The following GNA12 variants were observed in gnomAD, a reference collection of about 807,000 sequenced individuals.
GNA12 encodes guanine nucleotide-binding protein subunit alpha-12.
Under a neutral mutation model 26.0 loss-of-function variants are expected in GNA12, and 9 were observed. That is an observed-to-expected ratio of 0.35 (90% CI 0.21 to 0.60). The LOEUF (loss-of-function observed/expected upper bound fraction) is 0.60, where lower values mean the gene tolerates loss of function less well. Ranked by LOEUF, GNA12 falls within the 20% of genes least tolerant of loss-of-function variation. The pLI is 0.78. For synonymous variants in GNA12, 264 were observed against 219.6 expected (o/e 1.20, Z -1.79); for missense variants, 405 against 525.8 (o/e 0.77, Z 2.25).
chr7:2,843,582 G>C (rs1055872858), intron 1 of GNA12, among the ~76,000 whole-genome samples: 1 of 152,046 alleles, frequency 6.6e-6, no homozygotes, highest in African/African-American at 2.4e-5. Context: ...GGGAGGTCGA[G>C]GCTGCAGTGA....
chr7:2,734,891 CG>C (rs1790083513), intron 2 of GNA12, among the ~76,000 whole-genome samples: 1 of 152,266 alleles, frequency 6.6e-6, no homozygotes, highest in Non-Finnish European at 1.5e-5. Context: ...GGGAAGGCAT[CG>C]GGAGTGCCAG....
intron 2 of GNA12, among the ~76,000 whole-genome samples, chr7:2,737,684 G>A (rs1790277902): frequency 6.6e-6 from 1 of 152,172 alleles, no homozygotes; most frequent in African/African-American, 2.4e-5. Context: ...TTAATGGTGA[G>A]CTAGAGGATT....
At chr7:2,812,057 G>A (rs1303089707) in intron 1 of GNA12, among the ~76,000 whole-genome samples, 1 of 152,190 alleles carries the variant, frequency 6.6e-6, no homozygotes, top group Admixed American at 6.5e-5. Flanking sequence ...CGTTTCACGC[G>A]ACTCCTCTCC....
intron 2 of GNA12, among the ~76,000 whole-genome samples, chr7:2,754,295 A>G (rs554647766): frequency 5.3e-4 from 80 of 152,136 alleles, no homozygotes; most frequent in Admixed American, 1.2e-3. Flanking sequence ...TGGTGAAATC[A>G]CTTCATATGT....
chr7:2,783,788 G>C (rs1156598452), intron 2 of GNA12, among the ~76,000 whole-genome samples: 3 of 151,884 alleles, frequency 2.0e-5, no homozygotes, highest in African/African-American at 7.3e-5. Flanking sequence ...GGATTCAAGC[G>C]ATTCTCTTGC....
chr7:2,806,457 C>CAAAAAAAAAAAAAAAAAAAAAA (rs34036056), intron 1 of GNA12, among the ~76,000 whole-genome samples: 9 of 80,710 alleles, frequency 1.1e-4, no homozygotes, highest in Non-Finnish European at 1.7e-4. Context: ...GACTCTGTCT[C>CAAAAAAAAAAAAAAAAAAAAAA]AAAAAAAAAA....
intron 1 of GNA12, among the ~76,000 whole-genome samples, chr7:2,807,863 A>G (rs2527689): frequency 0.58 from 87,771 of 151,454 alleles, 25,684 homozygotes; most frequent in Non-Finnish European, 0.63. Context: ...TAAGGGGCCA[A>G]CCTTAGGCAC....
At position 2,829,463 on chromosome 7, in the gene GNA12, T is replaced by C. The variant is rs138998153; in HGVS notation, c.309+14390A>G. ...ATCCCCTTGCATCGTTGTTCATTAC[T>C]ATTCAGTTCCTTCCTGTCTCCGATG... is the stretch of plus-strand genomic sequence containing the variant. On this transcript the variant is annotated intron_variant, in intron 1 of 3. Coordinates refer to ENST00000275364, the MANE Select transcript of GNA12 (RefSeq NM_007353.3). Among the ~76,000 whole-genome samples the C allele has an allele frequency of 8.5e-5, 13 of 152,346 alleles. No homozygotes were observed. In the East Asian group the frequency reaches 1.9e-3, roughly 23 times the overall value.
Position 2,799,535 on chromosome 7 carries a change from C to T in GNA12, c.310-4392G>A, listed in dbSNP as rs555660179. Among the ~76,000 whole-genome samples the T allele has an allele frequency of 2.0e-5, 3 of 152,200 alleles. No homozygotes were observed. The South Asian group carries it at 6.2e-4, about 32-fold the overall frequency. ...AGTTTGAGGTTACAGTGAGCTATGA[C>T]AGTGCCACTGCACTCCAGCCTGGGT... On this transcript the variant is annotated intron_variant, in intron 1 of 3. Coordinates refer to ENST00000275364, the MANE Select transcript of GNA12 (RefSeq NM_007353.3).
At chr7:2,786,557 C>G (rs1054069794) in intron 2 of GNA12, among the ~76,000 whole-genome samples, 2 of 151,710 alleles carry the variant, frequency 1.3e-5, no homozygotes, top group African/African-American at 2.4e-5. Flanking sequence ...TATTATATCT[C>G]TGTCTGTCTG....
chr7:2,825,146 C>G (rs970339037), intron 1 of GNA12, among the ~76,000 whole-genome samples: 2 of 152,214 alleles, frequency 1.3e-5, no homozygotes, highest in African/African-American at 4.8e-5. Flanking sequence ...CAACAGGAAA[C>G]AAGCAGGACA....
chr7:2,775,043 T>C (rs1003210495), intron 2 of GNA12, among the ~76,000 whole-genome samples: 4 of 152,352 alleles, frequency 2.6e-5, no homozygotes, highest in Admixed American at 1.3e-4. Context: ...CTTTTCACTA[T>C]GTGATGAGTT....
At chr7:2,781,412 C>CTGTGTGTG (rs58348546) in intron 2 of GNA12, among the ~76,000 whole-genome samples, 12,667 of 143,560 alleles carry the variant, frequency 0.088, 663 homozygotes, top group South Asian at 0.17. Context: ...AAGTAAGTGT[C>CTGTGTGTG]TGTGTGTGTG....
chr7:2,794,873 T>G (rs775323250), intron 2 of GNA12, 55 bp downstream of exon 2: 2 of 1,238,808 alleles, frequency 1.6e-6, no homozygotes, highest in Middle Eastern at 2.4e-4. Context: ...CGGTCCAAAA[T>G]AGTCATGTAA....
chr7:2,740,457 C>T (rs965037746), intron 2 of GNA12, among the ~76,000 whole-genome samples: 1 of 152,192 alleles, frequency 6.6e-6, no homozygotes, highest in Admixed American at 6.5e-5. Context: ...AGACAGCCCT[C>T]CCTCACCAGA....
intron 2 of GNA12, 61 bp downstream of exon 2, chr7:2,794,867 C>T: frequency 8.4e-7 from 1 of 1,193,656 alleles, no homozygotes; most frequent in Non-Finnish European, 1.2e-6. Context: ...AACTAACGGT[C>T]CAAAATAGTC....
chr7:2,843,127 G>A (rs959021897), intron 1 of GNA12, among the ~76,000 whole-genome samples: 10 of 151,592 alleles, frequency 6.6e-5, no homozygotes, highest in African/African-American at 2.4e-4. Context: ...AAAGTAAAAA[G>A]AGACTCATGG....
In GNA12 at chr7:2,817,798, A is replaced by G. The variant is rs138396355; in HGVS notation, c.310-22655T>C. On this transcript the variant is annotated intron_variant, in intron 1 of 3. Transcript: ENST00000275364. The stretch of plus-strand genomic sequence containing the variant: ...AGAACGGAACATAGAAGAAACATCT[A>G]AAGTTATGACAAATGTTGTCATCTA... 4.9e-3 allele frequency among the ~76,000 whole-genome samples: 743 copies of G among 152,360 alleles called. 7 individuals are homozygous for G. Among genetic ancestry groups the G allele is most frequent in the African/African-American group, 0.017 (689 of 41,582 alleles).
chr7:2,764,191 G>T (rs145692034), intron 2 of GNA12, among the ~76,000 whole-genome samples: 1,727 of 151,842 alleles, frequency 0.011, 37 homozygotes, highest in African/African-American at 0.039. Context: ...TCCTGCCTCA[G>T]CCTCCTGAGT....
Sources: allele counts gnomAD v4.1 joint callset (sites outside exome capture counted in the v4.1 genomes callset), GRCh38; gene constraint gnomAD v4.1.1; transcripts MANE v1.5; gene names NCBI Gene and HGNC (gene_info 2026-07-23, HGNC 2026-07-21).